The following MAMLD1 variants were observed in gnomAD, a reference collection of about 807,000 sequenced individuals.
MAMLD1 encodes the protein mastermind like domain containing 1, also known as mastermind-like domain-containing protein 1.
MAMLD1 carries 14 observed loss-of-function variants against 45.0 expected under a neutral mutation model. That is an observed-to-expected ratio of 0.31 (90% CI 0.21 to 0.49). The LOEUF is 0.49. MAMLD1 is among the 20% of genes least tolerant of loss of function. The pLI, the probability that MAMLD1 is intolerant of heterozygous loss-of-function variation, is 0.99. For synonymous variants in MAMLD1, 254 were observed against 247.8 expected (o/e 1.02, Z -0.24); for missense variants, 543 against 603.6 (o/e 0.90, Z 1.05).
At chrX:150,479,772 A>G (rs145002642) in intron 5 of MAMLD1, among the ~76,000 whole-genome samples, 2,235 of 112,068 alleles carry the variant, frequency 0.02, 29 homozygotes, top group Non-Finnish European at 0.032. Context: ...CACACAACAA[A>G]CATGAAAGAG....
At chrX:150,456,397 T>G (rs2035867572) in intron 2 of MAMLD1, among the ~76,000 whole-genome samples, 1 of 111,490 alleles carries the variant, frequency 9.0e-6, no homozygotes, top group Non-Finnish European at 1.9e-5. Flanking sequence ...GGATTCTTGT[T>G]AGAATCAAAG....
At chrX:150,395,804 T>G (rs1301291625) in intron 1 of MAMLD1, among the ~76,000 whole-genome samples, 3 of 110,485 alleles carry the variant, frequency 2.7e-5, no homozygotes, top group Non-Finnish European at 5.7e-5. Context: ...ATAATATTAA[T>G]AGGTCATGTT....
intron 2 of MAMLD1, among the ~76,000 whole-genome samples, chrX:150,448,206 G>C (rs1400641914): frequency 9.0e-6 from 1 of 111,708 alleles, no homozygotes; most frequent in Non-Finnish European, 1.9e-5. Context: ...TGCCCTCCCT[G>C]AGAACAAAGT....
intron 1 of MAMLD1, among the ~76,000 whole-genome samples, chrX:150,431,789 AT>A (rs1187531123): frequency 9.1e-6 from 1 of 109,849 alleles, no homozygotes; most frequent in African/African-American, 3.3e-5. Flanking sequence ...CACAGTGTAT[AT>A]ATACAACATT....
intron 1 of MAMLD1, among the ~76,000 whole-genome samples, chrX:150,422,314 A>C (rs1557403591): frequency 2.7e-5 from 3 of 112,427 alleles, no homozygotes; most frequent in African/African-American, 9.7e-5. Context: ...GATTCAGGGA[A>C]TCTGACTTCT....
At chrX:150,505,452 T>C (rs7064037) in intron 6 of MAMLD1, among the ~76,000 whole-genome samples, 10,151 of 111,815 alleles carry the variant, frequency 0.091, 1,114 homozygotes, top group African/African-American at 0.31. Flanking sequence ...GCCTGGCCCA[T>C]AGTAGACCCA....
chrX:150,507,399 C>T (rs2037761709), intron 6 of MAMLD1, among the ~76,000 whole-genome samples: 1 of 112,545 alleles, frequency 8.9e-6, no homozygotes, highest in Non-Finnish European at 1.9e-5. Flanking sequence ...ATGGGAGCCT[C>T]CATCTGCAAA....
In MAMLD1 at chrX:150,471,117, C is replaced by T. The variant is rs782589773; in HGVS notation, c.1544C>T (p.Ser515Phe). The change falls in exon 4 of 8, where the codon TCC (serine) becomes TTC (phenylalanine). Residue 515 changes from serine to phenylalanine, a missense_variant. Coordinates refer to ENST00000370401, the MANE Select transcript of MAMLD1 (RefSeq NM_005491.5). ...VIFKPISSNSSKTLSMIMQQG... is the reference protein window; with the variant it reads ...VIFKPISSNSFKTLSMIMQQG... ...TTTAAGCCCATAAGCAGCAACTCATCCAAAACCCTGAGCATGATCATGCAG... is the reference window on the plus strand; with the variant it reads ...TTTAAGCCCATAAGCAGCAACTCATTCAAAACCCTGAGCATGATCATGCAG... 1 of 1,210,837 alleles carries T rather than the reference C, an allele frequency of 8.3e-7. No homozygotes were observed. Among genetic ancestry groups the T allele is most frequent in the African/African-American group, 1.7e-5 (1 of 57,410 alleles).
At chrX:150,439,050 G>A (rs1465484066) in intron 1 of MAMLD1, among the ~76,000 whole-genome samples, 1 of 111,999 alleles carries the variant, frequency 8.9e-6, no homozygotes, top group African/African-American at 3.2e-5. Flanking sequence ...CTAGTGGGTG[G>A]GAAGTGGTAT....
intron 2 of MAMLD1, among the ~76,000 whole-genome samples, chrX:150,459,153 G>A (rs782250174): frequency 9.0e-6 from 1 of 111,518 alleles, no homozygotes; most frequent in South Asian, 3.8e-4. Context: ...GAAAGGAGGG[G>A]GAGGCTGCGT....
chrX:150,491,135 GT>G (rs782718902), intron 5 of MAMLD1, among the ~76,000 whole-genome samples: 12 of 111,212 alleles, frequency 1.1e-4, no homozygotes, highest in African/African-American at 3.9e-4. Context: ...ATTTCTGTTT[GT>G]TTTTTCATCC....
Position 150,507,624 on chromosome X carries a change from G to A in MAMLD1, c.2285-2338G>A, listed in dbSNP as rs976869258. Among the ~76,000 whole-genome samples the A allele has an allele frequency of 1.1e-4, 12 of 112,364 alleles. No homozygotes were observed. In the South Asian group the frequency reaches 1.9e-3, roughly 17 times the overall value. On this transcript the variant is annotated intron_variant, in intron 6 of 7. Coordinates refer to ENST00000370401, the MANE Select transcript of MAMLD1 (RefSeq NM_005491.5). ...GGCACCCAGGCTGGGTGTCAGCAGC[G>A]CTGTGTGGCCTTGGCAGTTTCCATA...
intron 1 of MAMLD1, among the ~76,000 whole-genome samples, chrX:150,431,049 A>G (rs912717082): frequency 8.0e-5 from 9 of 112,381 alleles, no homozygotes; most frequent in African/African-American, 1.3e-4. Flanking sequence ...TGTCTTTACT[A>G]TGTTGAGTTT....
chrX:150,456,321 A>G (rs1363990831), intron 2 of MAMLD1, among the ~76,000 whole-genome samples: 1 of 109,267 alleles, frequency 9.2e-6, no homozygotes, highest in Non-Finnish European at 1.9e-5. Flanking sequence ...GCCACCTGCA[A>G]CTCCTTCACC....
chrX:150,414,590 A>G (rs1489655343), intron 1 of MAMLD1, among the ~76,000 whole-genome samples: 2 of 111,497 alleles, frequency 1.8e-5, no homozygotes, highest in African/African-American at 6.5e-5. Context: ...AGATAGTGCC[A>G]GAAGGTGATG....
chrX:150,401,870 G>A (rs1182220947), intron 1 of MAMLD1, among the ~76,000 whole-genome samples: 5 of 110,058 alleles, frequency 4.5e-5, no homozygotes, highest in Non-Finnish European at 9.5e-5. Context: ...CTAGCCATAT[G>A]TAGAAAGCTG....
rs782293157 is a variant in MAMLD1 at position 150,484,004 on chromosome X, A to G, written c.2040+10202A>G. ...ATCGATTTTGGTCAGTTCTGAGAGC[A>G]GTGAGTGGTCTTCACTTACACACAG... On this transcript the variant is annotated intron_variant, in intron 5 of 7. Transcript: ENST00000370401. Among the ~76,000 whole-genome samples, 8 of 112,574 alleles carry G rather than the reference A, an allele frequency of 7.1e-5. No homozygotes were observed. The East Asian group carries it at 2.2e-3, about 31-fold the overall frequency.
intron 5 of MAMLD1, among the ~76,000 whole-genome samples, chrX:150,482,016 GAAAGAAAGA>G (rs2036824614): frequency 1.9e-5 from 2 of 106,948 alleles, no homozygotes; most frequent in African/African-American, 7.0e-5. Flanking sequence ...AAGAAAGAAA[GAAAGAAAGA>G]AAGAAAGAAT....
intron 4 of MAMLD1, among the ~76,000 whole-genome samples, chrX:150,472,484 G>A (rs2036459673): frequency 8.9e-6 from 1 of 112,422 alleles, no homozygotes. Flanking sequence ...CACTCATGTG[G>A]TTGCTGGCAG....
Sources: allele counts gnomAD v4.1 joint callset (sites outside exome capture counted in the v4.1 genomes callset), GRCh38; gene constraint gnomAD v4.1.1; transcripts MANE v1.5; gene names NCBI Gene and HGNC (gene_info 2026-07-23, HGNC 2026-07-21).